The following POLR1D variants were observed in gnomAD, a reference collection of about 807,000 sequenced individuals.
POLR1D encodes RNA polymerase I and III subunit D.
POLR1D carries 8 observed loss-of-function variants against 10.8 expected under a neutral mutation model. That is an observed-to-expected ratio of 0.74 (90% confidence interval 0.43 to 1.33). POLR1D has a LOEUF of 1.33. Ranked by LOEUF, POLR1D falls within the 40% of genes most tolerant of loss-of-function variation. The pLI is 0.01. For synonymous variants in POLR1D, 54 were observed against 57.2 expected (o/e 0.94, Z 0.25); for missense variants, 152 against 161.7 (o/e 0.94, Z 0.32).
chr13:27,650,452 C>G (rs1295349290), intron 2 of POLR1D: 1 of 171,370 alleles, frequency 5.8e-6, no homozygotes, highest in African/African-American at 2.4e-5. Context: ...TAACCCAAAG[C>G]TCTCACCCTA....
rs1956386985 is a variant in POLR1D at position 27,663,672 on chromosome 13, A to G, written c.102-2014A>G. ...AGAGTGGAATTCACCAGTAGTTACC[A>G]AAGGTTTTGTTCTGAGATCCTGGAT... On this transcript the variant is annotated intron_variant, in intron 2 of 2. Transcript: ENST00000399697. This position sits in a 1 kb window ranked among gnomAD's most constrained non-coding sequence, Gnocchi z 4.1. 6.6e-6 allele frequency among the ~76,000 whole-genome samples: 1 copy of G among 152,192 alleles called. No homozygotes were observed. The highest frequency in any genetic ancestry group is 2.4e-5 in the African/African-American group (1 of 41,442).
At chr13:27,643,496 G>A (rs1956193991) in intron 1 of POLR1D, among the ~76,000 whole-genome samples, 1 of 152,138 alleles carries the variant, frequency 6.6e-6, no homozygotes, top group Admixed American at 6.5e-5. Flanking sequence ...CCCAAACTTT[G>A]TCCTGTGGTT....
chr13:27,633,627 C>T (rs1263529154), intron 1 of POLR1D, among the ~76,000 whole-genome samples: 2 of 152,210 alleles, frequency 1.3e-5, no homozygotes, highest in Non-Finnish European at 2.9e-5. Context: ...CATGTTTGCT[C>T]CACAATAAAT....
chr13:27,645,438 C>A (rs754545417), intron 1 of POLR1D, among the ~76,000 whole-genome samples: 2 of 152,062 alleles, frequency 1.3e-5, no homozygotes, highest in Non-Finnish European at 1.5e-5. Flanking sequence ...TCTCCTTGAT[C>A]GTTAGCAGTG....
chr13:27,620,835 T>G (rs1955898810), upstream of POLR1D: 1 of 150,946 alleles, frequency 6.6e-6, no homozygotes, highest in Admixed American at 6.7e-5. Flanking sequence ...GCTAGGTGTC[T>G]GCGCGCACCC....
chr13:27,665,820 A>G, exon 3 of POLR1D: 1 of 1,614,238 alleles, frequency 6.2e-7, no homozygotes, highest in Non-Finnish European at 8.5e-7. Context: ...CAGGCCCAGA[A>G]AGAAGAAAAC....
At chr13:27,666,007 G>C (rs896247354) in exon 3 of POLR1D, 2 of 1,549,614 alleles carry the variant, frequency 1.3e-6, no homozygotes, top group African/African-American at 1.4e-5. Context: ...TTCGGGGTGC[G>C]GTGTGCGGAG....
At chr13:27,644,223 AT>A (rs1233831348) in intron 1 of POLR1D, among the ~76,000 whole-genome samples, 1 of 152,102 alleles carries the variant, frequency 6.6e-6, no homozygotes, top group East Asian at 1.9e-4. Context: ...TTTCCTCTCA[AT>A]TTCTGGTGCT....
intron 2 of POLR1D, among the ~76,000 whole-genome samples, chr13:27,664,131 G>A (rs777393999): frequency 1.3e-5 from 2 of 152,122 alleles, no homozygotes; most frequent in South Asian, 2.1e-4. Flanking sequence ...AGGAGAACTC[G>A]GCTTGCCTCT....
chr13:27,639,990 G>C (rs975016107), intron 1 of POLR1D, among the ~76,000 whole-genome samples: 16 of 152,168 alleles, frequency 1.1e-4, no homozygotes, highest in African/African-American at 3.9e-4. Context: ...ATCCCAGGCC[G>C]TATCATTTAT....
chr13:27,646,259 T>C (rs1467496651), intron 1 of POLR1D: 1 of 152,194 alleles, frequency 6.6e-6, no homozygotes, highest in Admixed American at 6.5e-5. Context: ...CACACTAATT[T>C]ATGGGAAAGG....
At chr13:27,650,072 T>C in intron 2 of POLR1D, 1 of 398,378 alleles carries the variant, frequency 2.5e-6, no homozygotes, top group Non-Finnish European at 4.4e-6. Context: ...CAAACTAAAA[T>C]CAGCCAAAAT....
chr13:27,648,458 G>A, intron 2 of POLR1D: 1 of 1,591,388 alleles, frequency 6.3e-7, no homozygotes. Flanking sequence ...GGGTTGGTAA[G>A]TTCTTTGAGT....
intron 1 of POLR1D, among the ~76,000 whole-genome samples, chr13:27,637,033 C>T (rs1593283458): frequency 1.3e-5 from 2 of 152,294 alleles, no homozygotes; most frequent in South Asian, 4.1e-4. Flanking sequence ...TTAGTTATAT[C>T]ATCACATATA....
chr13:27,629,531 A>G (rs1956052686), intron 1 of POLR1D, among the ~76,000 whole-genome samples: 1 of 152,226 alleles, frequency 6.6e-6, no homozygotes, highest in African/African-American at 2.4e-5. Context: ...CTTTGAAACA[A>G]AAAATCTTAG....
At chr13:27,643,186 A>G (rs757633186) in intron 1 of POLR1D, among the ~76,000 whole-genome samples, 17 of 152,204 alleles carry the variant, frequency 1.1e-4, no homozygotes, top group Non-Finnish European at 2.1e-4. Context: ...CGTATAAATC[A>G]CAGTACCTTG....
In POLR1D at chr13:27,635,756, T is replaced by C. The variant is rs559869979; in HGVS notation, c.27-12623T>C. Among the ~76,000 whole-genome samples the C allele has an allele frequency of 1.9e-3, 280 of 149,574 alleles. 1 individual carries two copies. The highest frequency in any genetic ancestry group is 3.4e-3 in the Non-Finnish European group (232 of 67,462). ...CACACATATATATATATAAATTGTATTTAATCCCCCTAAGAATTCTGAAAG... is the reference window on the plus strand; with the variant it reads ...CACACATATATATATATAAATTGTACTTAATCCCCCTAAGAATTCTGAAAG... On this transcript the variant is annotated intron_variant, in intron 1 of 2. Transcript: ENST00000399697.
intron 1 of POLR1D, among the ~76,000 whole-genome samples, chr13:27,646,731 A>C (rs1208013604): frequency 6.6e-6 from 1 of 152,238 alleles, no homozygotes; most frequent in African/African-American, 2.4e-5. Context: ...GTTTGAAAGC[A>C]TAGTATTAGG....
chr13:27,637,182 A>G (rs1956132392), intron 1 of POLR1D, among the ~76,000 whole-genome samples: 1 of 152,078 alleles, frequency 6.6e-6, no homozygotes, highest in Non-Finnish European at 1.5e-5. Context: ...TTGGTATGAT[A>G]TGTGTTATGA....
Sources: gnomAD v4.1 joint callset for allele counts (sites outside exome capture counted in the v4.1 genomes callset) on GRCh38, gnomAD v4.1.1 for gene constraint, Gnocchi (gnomAD v3.1) non-coding constraint, MANE v1.5 for transcripts, NCBI Gene and HGNC (gene_info 2026-07-23, HGNC 2026-07-21) for gene names.